The following CLIC6 variants were observed in gnomAD, a reference collection of about 807,000 sequenced individuals.
The protein encoded by CLIC6 is CLIC family member 6, also known as chloride intracellular channel protein 6.
In CLIC6, 39 loss-of-function variants were observed where a neutral mutation model predicts 49.2. That is an observed-to-expected ratio of 0.79 (90% CI 0.61 to 1.04). The LOEUF is 1.04. Ranked by LOEUF, CLIC6 falls within the 50% of genes least tolerant of loss-of-function variation. The pLI is 0.00. For missense variants in CLIC6, 988 were observed against 993.1 expected (o/e 0.99, Z 0.07); for synonymous variants, 446 against 433.4 (o/e 1.03, Z -0.36).
chr21:34,675,332 A>G lies in CLIC6; in HGVS notation c.1374+4570A>G, dbSNP rs1286207685. 4.0e-5 allele frequency among the ~76,000 whole-genome samples: 6 copies of G among 150,576 alleles called. No homozygotes were observed. The East Asian group carries it at 9.8e-4, about 25-fold the overall frequency. ...AAGAATGAGCCAGGACCAGCGTCTG[A>G]TGGACTCCTGGTAGAACGGTAAGCT... On this transcript the variant is annotated intron_variant, in intron 1 of 5. Coordinates refer to ENST00000349499, the MANE Select transcript of CLIC6 (RefSeq NM_053277.3).
intron 1 of CLIC6, among the ~76,000 whole-genome samples, chr21:34,678,173 TG>T (rs1187121278): frequency 6.6e-6 from 1 of 151,606 alleles, no homozygotes; most frequent in East Asian, 1.9e-4. Context: ...GGCTCACGCC[TG>T]TAATCCCAGC....
intron 4 of CLIC6, among the ~76,000 whole-genome samples, chr21:34,709,084 T>C (rs1345384740): frequency 6.6e-6 from 1 of 152,264 alleles, no homozygotes; most frequent in African/African-American, 2.4e-5. Context: ...ATGATGTTTC[T>C]GCCAGTCCAC....
At chr21:34,682,785 C>T (rs1271316938) in intron 1 of CLIC6, among the ~76,000 whole-genome samples, 3 of 148,692 alleles carry the variant, frequency 2.0e-5, no homozygotes, top group African/African-American at 7.4e-5. Flanking sequence ...ATTTCCAGTC[C>T]TACCCCTTTC....
intron 1 of CLIC6, among the ~76,000 whole-genome samples, chr21:34,691,203 G>A (rs544459338): frequency 3.3e-5 from 5 of 152,226 alleles, no homozygotes; most frequent in African/African-American, 1.2e-4. Flanking sequence ...CATGAACTAG[G>A]AACCCTTTAA....
rs576010952 is a variant in CLIC6, at chr21:34,680,190, C to A, written c.1374+9428C>A. Among the ~76,000 whole-genome samples, 218 of 152,380 alleles carry A rather than the reference C, an allele frequency of 1.4e-3. 1 individual carries two copies. Among genetic ancestry groups the A allele is most frequent in the African/African-American group, 4.8e-3 (201 of 41,598 alleles). ...GTTCCTAAACCTCAATTATTGACTT[C>A]TGTGCACCAGCAGGCCCAACACCAC... On this transcript the variant is annotated intron_variant, in intron 1 of 5. Transcript: ENST00000349499.
chr21:34,669,364 C>T lies in CLIC6; in HGVS notation c.-25C>T, dbSNP rs757147206. ...TTAAGCAGCGTCAAGGAAGGAGTCCCGATCAAGGACAGGGATCTGCGGCCA... is the reference window on the plus strand; with the variant it reads ...TTAAGCAGCGTCAAGGAAGGAGTCCTGATCAAGGACAGGGATCTGCGGCCA... On this transcript the variant is annotated 5_prime_UTR_variant, in exon 1 of 6. Coordinates refer to ENST00000349499, the MANE Select transcript of CLIC6 (RefSeq NM_053277.3). The T allele has an allele frequency of 8.1e-6, 10 of 1,235,768 alleles. No homozygotes were observed. In the East Asian group the frequency reaches 1.9e-4, roughly 23 times the overall value. 76.6% of individuals were successfully genotyped at this position (1,235,768 alleles called of 1,614,324 possible).
In CLIC6 at chr21:34,678,291, AG is replaced by A. The variant is rs905017428; in HGVS notation, c.1374+7530del. On this transcript the variant is annotated intron_variant, in intron 1 of 5. Coordinates refer to ENST00000349499, the MANE Select transcript of CLIC6 (RefSeq NM_053277.3). ...CTAAAAATACAAAAAAAAAAAAAAA[AG>A]TCACCCGGGCGTGGTGGCGTGTGCC... 1.0e-4 allele frequency among the ~76,000 whole-genome samples: 15 copies of A among 147,016 alleles called. 1 individual carries two copies. The highest frequency in any genetic ancestry group is 6.0e-4 in the East Asian group (3 of 5,040).
intron 1 of CLIC6, among the ~76,000 whole-genome samples, chr21:34,698,520 A>C (rs1990131024): frequency 6.6e-6 from 1 of 152,008 alleles, no homozygotes; most frequent in Admixed American, 6.6e-5. Context: ...GAAGGAAGGA[A>C]GCAAGGAATG....
chr21:34,691,619 G>A (rs1402094217), intron 1 of CLIC6, among the ~76,000 whole-genome samples: 1 of 151,992 alleles, frequency 6.6e-6, no homozygotes, highest in Non-Finnish European at 1.5e-5. Context: ...TAAACATGAG[G>A]ATATAGGGCA....
At chr21:34,685,018 A>G (rs1170607731) in intron 1 of CLIC6, among the ~76,000 whole-genome samples, 1 of 152,212 alleles carries the variant, frequency 6.6e-6, no homozygotes, top group East Asian at 1.9e-4. Context: ...CCTTCCAGCT[A>G]GGGAGACTCT....
chr21:34,671,555 T>C (rs1989567772), intron 1 of CLIC6, among the ~76,000 whole-genome samples: 1 of 152,190 alleles, frequency 6.6e-6, no homozygotes, highest in Admixed American at 6.5e-5. Flanking sequence ...AGGAATTATT[T>C]ACAAGGCATG....
intron 1 of CLIC6, among the ~76,000 whole-genome samples, chr21:34,691,588 G>C (rs1004252228): frequency 4.0e-5 from 6 of 151,822 alleles, no homozygotes; most frequent in Non-Finnish European, 7.4e-5. Flanking sequence ...AAACTAGCAG[G>C]TTGATACAGA....
At chr21:34,680,391 C>T (rs1031617096) in intron 1 of CLIC6, among the ~76,000 whole-genome samples, 1 of 152,190 alleles carries the variant, frequency 6.6e-6, no homozygotes, top group East Asian at 1.9e-4. Context: ...GACTTCCAGG[C>T]CTGTGATGGG....
chr21:34,691,342 T>C (rs962904910), intron 1 of CLIC6, among the ~76,000 whole-genome samples: 1 of 152,186 alleles, frequency 6.6e-6, no homozygotes, highest in Non-Finnish European at 1.5e-5. Context: ...TGCCACACTT[T>C]TTTTTTGATT....
Position 34,670,432 on chromosome 21 carries a change from G to C in CLIC6, c.1044G>C (p.Gly348=). ...GVKGSEEAAP[G]DARADAGEDR... is the part of the protein sequence containing the mutation. ...AGGGGTCCGAAGAAGCGGCCCCCGG[G>C]GACGCAAGGGCAGACGCTGGCGAGG... The change falls in exon 1 of 6, where the codon GGG becomes GGC. Residue 348 remains glycine (G), a synonymous_variant. Transcript: ENST00000349499. 6.8e-7 allele frequency: 1 copy of C among 1,462,710 alleles called. No individual in the cohort carries two copies. Among genetic ancestry groups the C allele is most frequent in the South Asian group, 1.4e-5 (1 of 70,130 alleles). The allele number at this position is 1,462,710 out of a possible 1,614,324, so 90.6% of individuals were successfully genotyped here. A position where few individuals can be genotyped will look rare whatever the true frequency, so the allele number is the denominator to read the frequency against.
intron 1 of CLIC6, among the ~76,000 whole-genome samples, chr21:34,695,363 A>G (rs1990071754): frequency 6.6e-6 from 1 of 152,246 alleles, no homozygotes; most frequent in South Asian, 2.1e-4. Context: ...AATCCAGGAT[A>G]ATCTCCCCAT....
chr21:34,675,811 C>G (rs1302242575), intron 1 of CLIC6, among the ~76,000 whole-genome samples: 3 of 152,110 alleles, frequency 2.0e-5, no homozygotes, highest in African/African-American at 7.2e-5. Context: ...AATAGTGGGT[C>G]GGGTGGATGG....
In CLIC6 at chr21:34,670,572, A is replaced by C; in HGVS notation, c.1184A>C (p.Asp395Ala). Residue 395 changes from aspartate to alanine, a missense_variant, in exon 1 of 6, where the codon GAC (aspartate) becomes GCC (alanine). Around this residue, in one of 3 missense-constraint regions of CLIC6, gnomAD observed 647 missense variants for 596.9 expected, o/e 1.08. Coordinates refer to ENST00000349499, the MANE Select transcript of CLIC6 (RefSeq NM_053277.3). ...GCGGGGGGCGAAGAGGAATCCCCCG[A>C]CAGCAGCCCACATGGGGAGGCCTCC... ...EAAGGEEESP[D>A]SSPHGEASRG... is the part of the protein sequence containing the mutation. 6.6e-7 allele frequency: 1 copy of C among 1,512,912 alleles called. No individual in the cohort carries two copies. The highest frequency in any genetic ancestry group is 1.3e-5 in the South Asian group (1 of 78,806). The allele number at this position is 1,512,912 out of a possible 1,614,324, so 93.7% of individuals were successfully genotyped here.
rs962883213 is a variant in CLIC6 at position 34,718,195 on chromosome 21, A to C, written c.*1713A>C. 6.5e-6 allele frequency: 1 copy of C among 152,820 alleles called. No individual in the cohort carries two copies. Among genetic ancestry groups the C allele is most frequent in the East Asian group, 1.9e-4 (1 of 5,196 alleles). 9.5% of individuals were successfully genotyped at this position (152,820 alleles called of 1,614,324 possible). ...ATAAACTCTTTGTGCCTTGAAAATG[A>C]AACAAATTATAAAAATGTTTAAATG... is the stretch of plus-strand genomic sequence containing the variant. On this transcript the variant is annotated 3_prime_UTR_variant, in exon 6 of 6. Coordinates refer to ENST00000349499, the MANE Select transcript of CLIC6 (RefSeq NM_053277.3).
Sources: gnomAD v4.1 joint callset for allele counts (sites outside exome capture counted in the v4.1 genomes callset) on GRCh38, gnomAD v4.1.1 for gene constraint, gnomAD v4.1.1 regional missense constraint, MANE v1.5 for transcripts, NCBI Gene and HGNC (gene_info 2026-07-23, HGNC 2026-07-21) for gene names.